The following USP32 variants were observed in gnomAD, a reference collection of about 807,000 sequenced individuals.
USP32 encodes ubiquitin specific peptidase 32.
In USP32, 59 loss-of-function variants were observed where a neutral mutation model predicts 204.8. The observed-to-expected ratio is 0.29, with a 90% CI of 0.23 to 0.36. USP32 has a LOEUF of 0.36. Ranked by LOEUF, USP32 falls within the 10% of genes least tolerant of loss-of-function variation. The pLI is 1.00. For missense variants in USP32, 1,160 were observed against 1,946.4 expected, an observed-to-expected ratio of 0.60 and a Z score of 7.60; for synonymous variants, 517 against 678.4, an observed-to-expected ratio of 0.76 and a Z score of 3.70.
intron 1 of USP32, 93 bp from the exon 2 acceptor site, chr17:60,345,701 G>C (rs769223443): frequency 3.9e-6 from 6 of 1,542,756 alleles, no homozygotes; most frequent in Non-Finnish European, 5.3e-6. Context: ...AAAAATTGAG[G>C]CTAGGCACAG....
At chr17:60,283,723 T>C (rs1390161479) in intron 5 of USP32, among the ~76,000 whole-genome samples, 1 of 152,092 alleles carries the variant, frequency 6.6e-6, no homozygotes, top group East Asian at 1.9e-4. Context: ...AAAGATGAAT[T>C]CACTTTAGAT....
At position 60,181,467 on chromosome 17, in the gene USP32, C is replaced by G; in HGVS notation, c.4405G>C (p.Ala1469Pro). The G allele has an allele frequency of 6.2e-7, 1 of 1,614,000 alleles. No individual in the cohort carries two copies. Among genetic ancestry groups the G allele is most frequent in the Non-Finnish European group, 8.5e-7 (1 of 1,179,870 alleles). ...VTPQDHEVAL[A>P]NGFLYEHEAC... The stretch of plus-strand genomic sequence containing the variant: ...TCATGCTCATAAAGGAATCCATTGG[C>G]CAAAGCTACCTCATGGTCCTGAGGA... Residue 1469 changes from alanine (A) to proline (P), a missense_variant, in exon 32 of 34, where the codon GCC becomes CCC. Physicochemically the swap from Ala to Pro is conservative, Grantham distance 27 (BLOSUM62 -1). Coordinates refer to ENST00000300896, the MANE Select transcript of USP32 (RefSeq NM_032582.4).
chr17:60,202,999 G>A (rs984774381), intron 26 of USP32, among the ~76,000 whole-genome samples: 9 of 150,148 alleles, frequency 6.0e-5, no homozygotes, highest in African/African-American at 2.3e-4. Flanking sequence ...AGAATGCCTG[G>A]AGCCACCAGA....
At chr17:60,313,878 G>A (rs1294512848) in intron 2 of USP32, among the ~76,000 whole-genome samples, 3 of 151,854 alleles carry the variant, frequency 2.0e-5, no homozygotes, top group Non-Finnish European at 2.9e-5. Context: ...GGTTTACAAT[G>A]TTTACTAGAT....
chr17:60,191,917 C>T (rs1369442446), intron 28 of USP32, among the ~76,000 whole-genome samples: 5 of 152,238 alleles, frequency 3.3e-5, no homozygotes, highest in African/African-American at 9.6e-5. Flanking sequence ...AATCAATCTC[C>T]GTAACTCTTT....
chr17:60,287,990 T>C (rs1281840754), intron 5 of USP32, among the ~76,000 whole-genome samples: 4 of 151,518 alleles, frequency 2.6e-5, no homozygotes, highest in Admixed American at 2.6e-4. Context: ...GGTGGGCGCC[T>C]GTAGTCCCAG....
At chr17:60,183,690 A>G (rs1170111269) in intron 30 of USP32, among the ~76,000 whole-genome samples, 1 of 152,222 alleles carries the variant, frequency 6.6e-6, no homozygotes, top group Non-Finnish European at 1.5e-5. Context: ...CAGCCACGTG[A>G]CTGCGCAGTG....
intron 14 of USP32, 122 bp downstream of exon 14, chr17:60,223,289 C>A: frequency 1.3e-6 from 1 of 757,970 alleles, no homozygotes. Flanking sequence ...AAAGAGATGT[C>A]CATCTATAAT....
At chr17:60,252,569 T>C (rs2086196650) in intron 10 of USP32, 127 bp from the exon 11 acceptor site, 2 of 640,444 alleles carry the variant, frequency 3.1e-6, no homozygotes, top group South Asian at 5.9e-5. Flanking sequence ...TATCAATTAT[T>C]CACTTGAGCA....
At chr17:60,248,096 A>G (rs1462105621) in intron 11 of USP32, among the ~76,000 whole-genome samples, 2 of 152,244 alleles carry the variant, frequency 1.3e-5, no homozygotes, top group African/African-American at 2.4e-5. Context: ...GAAGTCAGGT[A>G]GTAATTCACC....
rs767222610 is a variant in USP32, at chr17:60,180,653, G to T, written c.4549-16C>A. 2 of 1,611,994 alleles carry T rather than the reference G, an allele frequency of 1.2e-6. No individual in the cohort carries two copies. Among genetic ancestry groups the T allele is most frequent in the African/African-American group, 2.7e-5 (2 of 74,864 alleles). On this transcript the variant is annotated splice_polypyrimidine_tract_variant and intron_variant, in intron 32 of 33. Coordinates refer to ENST00000300896, the MANE Select transcript of USP32 (RefSeq NM_032582.4). Reference sequence around the variant, plus strand: ...CTGAATGGCACTGTAAGAGATAAGAGAGTGGAGGTATGTTAGCAGTTAACT... The same window carrying T: ...CTGAATGGCACTGTAAGAGATAAGATAGTGGAGGTATGTTAGCAGTTAACT...
chr17:60,308,493 A>G (rs536351134), intron 2 of USP32, among the ~76,000 whole-genome samples: 37 of 152,250 alleles, frequency 2.4e-4, no homozygotes, highest in Non-Finnish European at 4.3e-4. Flanking sequence ...ACACAGACCA[A>G]TGGACGACAG....
At chr17:60,198,584 A>C in intron 26 of USP32, 140 bp from the exon 27 acceptor site, 1 of 1,117,802 alleles carries the variant, frequency 8.9e-7, no homozygotes, top group Non-Finnish European at 1.3e-6. Flanking sequence ...TGTATTTATA[A>C]AACCATCTTT....
rs144540150 is a variant in USP32 at position 60,416,586 on chromosome 17, A to G, written c.106+5660T>C. 1.3e-3 allele frequency among the ~76,000 whole-genome samples: 200 copies of G among 152,282 alleles called. 1 individual carries two copies. Among genetic ancestry groups the G allele is most frequent in the African/African-American group, 4.5e-3 (187 of 41,550 alleles). ...ATGCCGACCAATGGAATTTTGAAGA[A>G]TGCTCCCAAAGGCAATGGATTTTTG... On this transcript the variant is annotated intron_variant, in intron 1 of 3. Transcript: ENST00000588898.
intron 4 of USP32, among the ~76,000 whole-genome samples, chr17:60,293,453 G>A (rs907142964): frequency 7.9e-5 from 12 of 152,062 alleles, no homozygotes; most frequent in Admixed American, 3.3e-4. Context: ...AGCTCAGTTC[G>A]TCCTGAAGTA....
intron 11 of USP32, chr17:60,249,676 T>G: frequency 1.4e-6 from 1 of 695,286 alleles, no homozygotes; most frequent in South Asian, 1.5e-5. Context: ...CACACTTCCA[T>G]TGTTCTCACC....
intron 11 of USP32, among the ~76,000 whole-genome samples, chr17:60,237,112 CTCTATCTATCTATCTATCTATCTA>C (rs35524070): frequency 3.6e-5 from 5 of 138,224 alleles, no homozygotes; most frequent in South Asian, 2.4e-4. Context: ...AAAAAATCTA[CTCTATCTATCTATCTATCTATCTA>C]TCTATCTATC....
At chr17:60,210,272 A>G (rs964549823) in intron 21 of USP32, among the ~76,000 whole-genome samples, 1 of 152,136 alleles carries the variant, frequency 6.6e-6, no homozygotes, top group African/African-American at 2.4e-5. Context: ...ATATTAATAT[A>G]AAACTTATAT....
At chr17:60,341,836 G>A (rs770901257) in intron 2 of USP32, among the ~76,000 whole-genome samples, 4 of 152,020 alleles carry the variant, frequency 2.6e-5, no homozygotes, top group African/African-American at 7.2e-5. Context: ...GCTTCCTTGC[G>A]ATGGGTTCGA....
Sources: allele counts gnomAD v4.1 joint callset (sites outside exome capture counted in the v4.1 genomes callset), GRCh38; gene constraint gnomAD v4.1.1; transcripts MANE v1.5; gene names NCBI Gene and HGNC (gene_info 2026-07-23, HGNC 2026-07-21).